The following ENOX1 variants were observed in gnomAD, a reference collection of about 807,000 sequenced individuals.
The protein encoded by ENOX1 is ecto-NOX disulfide-thiol exchanger 1, also known as candidate growth-related and time keeping constitutive hydroquinone (NADH) oxidase.
ENOX1 carries 42 observed loss-of-function variants against 82.5 expected under a neutral mutation model. The ratio of observed to expected loss-of-function variants is 0.51; its 90% CI spans 0.40 to 0.66. ENOX1 has a LOEUF of 0.66. Among genes scored for constraint, ENOX1 ranks in the 30% least tolerant of loss-of-function variants. ENOX1 has a pLI of 0.00. For missense variants in ENOX1, 608 were observed against 811.6 expected (o/e 0.75, Z 3.05); for synonymous variants, 271 against 282.2 (o/e 0.96, Z 0.40).
intron 8 of ENOX1, among the ~76,000 whole-genome samples, chr13:43,348,228 T>C (rs1344258343): frequency 3.3e-5 from 5 of 152,362 alleles, no homozygotes; most frequent in Middle Eastern, 3.4e-3. Context: ...GGTGTCTCTT[T>C]GCTATGTTTC....
intron 11 of ENOX1, among the ~76,000 whole-genome samples, chr13:43,303,709 C>T (rs921049847): frequency 1.3e-5 from 2 of 152,082 alleles, no homozygotes; most frequent in African/African-American, 4.8e-5. Context: ...CTTTATACAG[C>T]AGCTGGTGTT....
intron 1 of ENOX1, among the ~76,000 whole-genome samples, chr13:43,729,577 T>C (rs555960416): frequency 1.3e-5 from 2 of 152,314 alleles, no homozygotes; most frequent in East Asian, 3.9e-4. Context: ...AAAAATAAAT[T>C]GGCACTAGAA....
chr13:43,667,037 CAT>C (rs2153788627), intron 2 of ENOX1, among the ~76,000 whole-genome samples: 1 of 152,226 alleles, frequency 6.6e-6, no homozygotes, highest in South Asian at 2.1e-4. Flanking sequence ...AGTTGTGAGA[CAT>C]GTACTTATTT....
chr13:43,513,455 G>T (rs1050596929), intron 2 of ENOX1, among the ~76,000 whole-genome samples: 12 of 152,076 alleles, frequency 7.9e-5, no homozygotes, highest in Non-Finnish European at 1.6e-4. Context: ...TTTGCCCTTG[G>T]TCACTCTTCT....
At chr13:43,312,489 CA>C (rs1478589802) in intron 11 of ENOX1, among the ~76,000 whole-genome samples, 1 of 152,162 alleles carries the variant, frequency 6.6e-6, no homozygotes, top group African/African-American at 2.4e-5. Flanking sequence ...CATTTCAGAT[CA>C]ACCATCAAGC....
intron 2 of ENOX1, among the ~76,000 whole-genome samples, chr13:43,662,338 T>G (rs1339896886): frequency 6.6e-6 from 1 of 152,180 alleles, no homozygotes; most frequent in East Asian, 1.9e-4. Flanking sequence ...TTAAATTGAA[T>G]CAAGTTTTCC....
intron 1 of ENOX1, among the ~76,000 whole-genome samples, chr13:43,772,718 C>T (rs1490531593): frequency 6.9e-6 from 1 of 144,906 alleles, no homozygotes; most frequent in African/African-American, 2.7e-5. Flanking sequence ...TACCGCACCC[C>T]AGCCTGGGCG....
chr13:43,256,622 C>G (rs1483360146), intron 14 of ENOX1, among the ~76,000 whole-genome samples: 1 of 151,944 alleles, frequency 6.6e-6, no homozygotes, highest in African/African-American at 2.4e-5. Flanking sequence ...GTCATCTCAC[C>G]TCAGTTAAAA....
Position 43,543,913 on chromosome 13 carries a change from C to CTTTTTTT in ENOX1, c.-218-59768_-218-59762dup, listed in dbSNP as rs11324994. On this transcript the variant is annotated intron_variant, in intron 2 of 16. Coordinates refer to ENST00000690772, the MANE Select transcript of ENOX1 (RefSeq NM_001347969.2). ...CTACATTATTGTCTTTTTTCTTTTT[C>CTTTTTTT]TTTTTTTTTTTTTTTTTTTTGGATA... is the stretch of plus-strand genomic sequence containing the variant. 9.3e-4 allele frequency: 91 copies of CTTTTTTT among 97,412 alleles called. 1 individual carries two copies. The highest frequency in any genetic ancestry group is 1.4e-3 in the East Asian group (5 of 3,622). The allele number at this position is 97,412 out of a possible 1,614,324, so 6.0% of individuals were successfully genotyped here. A position where few individuals can be genotyped will look rare whatever the true frequency, so the allele number is the denominator to read the frequency against.
chr13:43,279,300 C>T (rs931022203), intron 12 of ENOX1, among the ~76,000 whole-genome samples: 5 of 152,164 alleles, frequency 3.3e-5, no homozygotes, highest in African/African-American at 7.2e-5. Context: ...AGCTGCATGT[C>T]GGCATTTCAA....
At chr13:43,780,005 C>CA (rs1315280359) in intron 1 of ENOX1, among the ~76,000 whole-genome samples, 10 of 151,764 alleles carry the variant, frequency 6.6e-5, no homozygotes, top group Non-Finnish European at 1.0e-4. Flanking sequence ...AAAGCAAATA[C>CA]AAAAAATTAG....
chr13:43,599,955 C>T (rs1388596514), intron 2 of ENOX1, among the ~76,000 whole-genome samples: 1 of 151,712 alleles, frequency 6.6e-6, no homozygotes, highest in Non-Finnish European at 1.5e-5. Flanking sequence ...GAAAAGGACC[C>T]AATCTTGGGT....
At chr13:43,577,472 A>T (rs1265710596) in intron 2 of ENOX1, among the ~76,000 whole-genome samples, 1 of 152,154 alleles carries the variant, frequency 6.6e-6, no homozygotes, top group Admixed American at 6.5e-5. Flanking sequence ...GTGTCTGGAG[A>T]GGGCTGTCTC....
chr13:43,562,304 T>C (rs895914375), intron 2 of ENOX1, among the ~76,000 whole-genome samples: 1 of 152,146 alleles, frequency 6.6e-6, no homozygotes, highest in Non-Finnish European at 1.5e-5. Context: ...TTAGTGTAAG[T>C]TGTCATCAAT....
At chr13:43,277,018 GC>G (rs1038700484) in intron 12 of ENOX1, among the ~76,000 whole-genome samples, 1 of 152,120 alleles carries the variant, frequency 6.6e-6, no homozygotes, top group African/African-American at 2.4e-5. Context: ...CCCCCTCCCT[GC>G]CTCAGGCATG....
At chr13:43,737,612 A>G (rs928974496) in intron 1 of ENOX1, among the ~76,000 whole-genome samples, 1 of 152,188 alleles carries the variant, frequency 6.6e-6, no homozygotes, top group African/African-American at 2.4e-5. Context: ...CATTACCCAA[A>G]TGCATATTCA....
chr13:43,354,042 C>T (rs1024204885), intron 8 of ENOX1, among the ~76,000 whole-genome samples: 2 of 152,168 alleles, frequency 1.3e-5, no homozygotes, highest in African/African-American at 4.8e-5. Flanking sequence ...GGTCACAGAT[C>T]AAGGTGCAGT....
At chr13:43,317,556 ATT>A (rs140067416) in intron 11 of ENOX1, among the ~76,000 whole-genome samples, 6 of 149,260 alleles carry the variant, frequency 4.0e-5, no homozygotes, top group African/African-American at 1.5e-4. Flanking sequence ...TTTATTACTT[ATT>A]TTTTTTTTAA....
At chr13:43,590,902 T>G in intron 2 of ENOX1, among the ~76,000 whole-genome samples, 1 of 151,520 alleles carries the variant, frequency 6.6e-6, no homozygotes, top group African/African-American at 2.4e-5. Flanking sequence ...AAAAAAAGTA[T>G]GAGAAAATGT....
Sources: allele counts gnomAD v4.1 joint callset (sites outside exome capture counted in the v4.1 genomes callset), GRCh38; gene constraint gnomAD v4.1.1; transcripts MANE v1.5; gene names NCBI Gene and HGNC (gene_info 2026-07-23, HGNC 2026-07-21).